WFDC3: variants seen among roughly 807,000 people sequenced by gnomAD.
WFDC3 encodes the protein WAP four-disulfide core domain protein 3.
WFDC3 carries 15 observed loss-of-function variants against 25.8 expected under a neutral mutation model. The observed-to-expected ratio is 0.58, with a 90% CI of 0.39 to 0.89. The LOEUF (loss-of-function observed/expected upper bound fraction) is 0.89. Among genes scored for constraint, WFDC3 ranks in the 40% least tolerant of loss-of-function variants. The pLI is 0.00. For synonymous variants in WFDC3, 103 were observed against 107.1 expected, an observed-to-expected ratio of 0.96 and a Z score of 0.24; for missense variants, 264 against 289.8, an observed-to-expected ratio of 0.91 and a Z score of 0.65.
intron 1 of WFDC3, chr20:45,790,873 C>T (rs1285384589): frequency 2.1e-6 from 1 of 470,924 alleles, no homozygotes; most frequent in Non-Finnish European, 4.4e-6. Flanking sequence ...TGAAGTCTAG[C>T]TGGCAGAACC....
chr20:45,786,584 A>G (rs1980676803), intron 4 of WFDC3, among the ~76,000 whole-genome samples: 1 of 152,178 alleles, frequency 6.6e-6, no homozygotes, highest in South Asian at 2.1e-4. Flanking sequence ...TATTTTCCAC[A>G]ATATACCAGG....
In WFDC3 at chr20:45,788,920, T is replaced by A; in HGVS notation, c.211+11A>T. 1 of 1,602,998 alleles carries A rather than the reference T, an allele frequency of 6.2e-7. No homozygotes were observed. The highest frequency in any genetic ancestry group is 8.5e-7 in the Non-Finnish European group (1 of 1,175,812). On this transcript the variant is annotated intron_variant, in intron 3 of 6. Coordinates refer to ENST00000243938, the MANE Select transcript of WFDC3 (RefSeq NM_080614.2). ...GAGTATGCCCAGATTTTGCCCCTCA[T>A]GCCAACATACCCTTAGGAATGTCTC...
At chr20:45,776,278 C>CTCTCTGTGTG (rs1555812707) in intron 5 of WFDC3, among the ~76,000 whole-genome samples, 1 of 101,952 alleles carries the variant, frequency 9.8e-6, no homozygotes, top group East Asian at 2.4e-4. Flanking sequence ...GCTTTTATCT[C>CTCTCTGTGTG]TGTGTGTGTG....
intron 4 of WFDC3, among the ~76,000 whole-genome samples, chr20:45,779,259 G>C (rs1278229988): frequency 6.6e-6 from 1 of 152,208 alleles, no homozygotes; most frequent in African/African-American, 2.4e-5. Flanking sequence ...AAAGAGAAAG[G>C]TGACAGGCAA....
At chr20:45,783,007 A>G (rs73911105) in intron 4 of WFDC3, among the ~76,000 whole-genome samples, 2,484 of 152,202 alleles carry the variant, frequency 0.016, 85 homozygotes, top group African/African-American at 0.057. Flanking sequence ...CAAAGCACTC[A>G]TGACTCATCA....
intron 3 of WFDC3, 172 bp downstream of exon 3, chr20:45,788,759 T>C: frequency 1.2e-6 from 1 of 830,156 alleles, no homozygotes; most frequent in Non-Finnish European, 1.8e-6. Context: ...GGCAAACAAC[T>C]GGGGGCACTG....
At chr20:45,776,345 C>T (rs1003992250) in intron 5 of WFDC3, among the ~76,000 whole-genome samples, 83 of 131,054 alleles carry the variant, frequency 6.3e-4, no homozygotes, top group African/African-American at 2.1e-3. Context: ...TGGTGGCTCA[C>T]GCCTGTAATT....
At chr20:45,781,824 GT>G (rs779159545) in intron 4 of WFDC3, among the ~76,000 whole-genome samples, 17 of 152,166 alleles carry the variant, frequency 1.1e-4, no homozygotes, top group Non-Finnish European at 1.9e-4. Context: ...ACTCTTATCA[GT>G]TAGAGTAGTA....
chr20:45,774,762 G>A (rs1041084186), intron 6 of WFDC3, among the ~76,000 whole-genome samples: 7 of 152,120 alleles, frequency 4.6e-5, no homozygotes, highest in African/African-American at 9.7e-5. Flanking sequence ...GGCCAACATG[G>A]TGAAACACTG....
chr20:45,780,777 A>G (rs1469502113), intron 4 of WFDC3, among the ~76,000 whole-genome samples: 1 of 152,182 alleles, frequency 6.6e-6, no homozygotes, highest in Admixed American at 6.5e-5. Context: ...TGGAAAAGTA[A>G]AATTTCAGCA....
At chr20:45,787,641 C>CT (rs1369085554) in intron 4 of WFDC3, among the ~76,000 whole-genome samples, 195 bp downstream of exon 4, 1 of 152,038 alleles carries the variant, frequency 6.6e-6, no homozygotes, top group East Asian at 1.9e-4. Context: ...TGAGGCTGCC[C>CT]TTCTGGCACC....
intron 6 of WFDC3, among the ~76,000 whole-genome samples, chr20:45,775,055 A>C (rs908458382): frequency 6.6e-6 from 1 of 151,998 alleles, no homozygotes; most frequent in Non-Finnish European, 1.5e-5. Flanking sequence ...CTTTGCCAGC[A>C]ATCACCAGAT....
chr20:45,779,149 C>G (rs1463850722), intron 4 of WFDC3, among the ~76,000 whole-genome samples: 2 of 152,218 alleles, frequency 1.3e-5, no homozygotes, highest in Non-Finnish European at 2.9e-5. Flanking sequence ...GGCAACTGGC[C>G]AGGGCCCCAG....
chr20:45,786,022 C>A (rs1312198122), intron 4 of WFDC3, among the ~76,000 whole-genome samples: 1 of 152,158 alleles, frequency 6.6e-6, no homozygotes, highest in Non-Finnish European at 1.5e-5. Flanking sequence ...TCCATCGCAC[C>A]CTTCACCTGG....
At chr20:45,786,561 A>G (rs1447060474) in intron 4 of WFDC3, among the ~76,000 whole-genome samples, 2 of 152,186 alleles carry the variant, frequency 1.3e-5, no homozygotes, top group Non-Finnish European at 2.9e-5. Context: ...GAAAGCGGGC[A>G]TGGGATCTAC....
At chr20:45,779,679 C>T (rs1189548123) in intron 4 of WFDC3, among the ~76,000 whole-genome samples, 1 of 152,062 alleles carries the variant, frequency 6.6e-6, no homozygotes, top group Non-Finnish European at 1.5e-5. Context: ...TGGAAAAACC[C>T]GGTGACATAA....
chr20:45,775,491 A>T lies in WFDC3; in HGVS notation c.605T>A (p.Phe202Tyr), dbSNP rs1417063200. Residue 202 changes from phenylalanine to tyrosine, a missense_variant, in exon 6 of 7, where the codon TTC (phenylalanine) becomes TAC (tyrosine). Coordinates refer to ENST00000243938, the MANE Select transcript of WFDC3 (RefSeq NM_080614.2). ...TGGGGGCAGGACTGGTGGGACACAG[A>T]AGCGGCCACAGCCTGACTTGCAACA... Reference protein sequence around the residue: ...EKCCKSGCGRFCVPPVLPPKL... With the variant: ...EKCCKSGCGRYCVPPVLPPKL... 1 of 1,614,102 alleles carries T rather than the reference A, an allele frequency of 6.2e-7. No homozygotes were observed. The highest frequency in any genetic ancestry group is 2.2e-5 in the East Asian group (1 of 44,900).
At position 45,776,615 on chromosome 20, in the gene WFDC3, AAAAAAAG is replaced by A. The variant is rs1568697347; in HGVS notation, c.493+453_493+459del. 2.8e-3 allele frequency among the ~76,000 whole-genome samples: 143 copies of A among 51,148 alleles called. 9 individuals are homozygous for A. The highest frequency in any genetic ancestry group is 0.011 in the African/African-American group (136 of 11,932). The allele number at this position is 51,148 out of a possible 152,430, so 33.6% of individuals were successfully genotyped here. The stretch of plus-strand genomic sequence containing the variant: ...TCTGTCTCAAAAAAAAAAAAAAAGA[AAAAAAAG>A]AAAAAAAAAAAAAATATATATATAT... On this transcript the variant is annotated intron_variant, in intron 5 of 6. Transcript: ENST00000243938.
intron 6 of WFDC3, among the ~76,000 whole-genome samples, chr20:45,774,895 T>C (rs568063505): frequency 1.7e-3 from 261 of 150,460 alleles, no homozygotes; most frequent in Admixed American, 0.015. Context: ...TGAGTCGAGA[T>C]TGTGCCATTG....
Sources: gnomAD v4.1 joint callset for allele counts (sites outside exome capture counted in the v4.1 genomes callset) on GRCh38, gnomAD v4.1.1 for gene constraint, MANE v1.5 for transcripts, NCBI Gene and HGNC (gene_info 2026-07-23, HGNC 2026-07-21) for gene names.